The following GPD2 variants were observed in gnomAD, a reference collection of about 807,000 sequenced individuals.
The protein encoded by GPD2 is glycerol-3-phosphate dehydrogenase, mitochondrial.
Under a neutral mutation model 82.4 loss-of-function variants are expected in GPD2, and 54 were observed. That is an observed-to-expected ratio of 0.66 (90% CI 0.53 to 0.82). The LOEUF (loss-of-function observed/expected upper bound fraction) is 0.82, where lower values mean the gene tolerates loss of function less well. Ranked by LOEUF, GPD2 falls within the 40% of genes least tolerant of loss-of-function variation. The pLI, the probability that GPD2 is intolerant of heterozygous loss-of-function variation, is 0.00. For missense variants in GPD2, 748 were observed against 896.2 expected, an observed-to-expected ratio of 0.83 and a Z score of 2.11; for synonymous variants, 288 against 306.1, an observed-to-expected ratio of 0.94 and a Z score of 0.62.
At chr2:156,547,443 T>C (rs1423030075) in intron 6 of GPD2, among the ~76,000 whole-genome samples, 1 of 152,176 alleles carries the variant, frequency 6.6e-6, no homozygotes, top group African/African-American at 2.4e-5. Flanking sequence ...ATGACATGAA[T>C]GTTCAGGGAG....
chr2:156,567,609 A>G (rs1253287360), intron 9 of GPD2, among the ~76,000 whole-genome samples: 1 of 152,164 alleles, frequency 6.6e-6, no homozygotes, highest in Non-Finnish European at 1.5e-5. Context: ...TAAATGCAGC[A>G]GGACCAGGTA....
intron 4 of GPD2, among the ~76,000 whole-genome samples, chr2:156,511,871 C>G (rs62176588): frequency 6.6e-6 from 1 of 152,156 alleles, no homozygotes; most frequent in African/African-American, 2.4e-5. Context: ...TTTGAACAAT[C>G]TGTTATCTCC....
intron 1 of GPD2, among the ~76,000 whole-genome samples, chr2:156,458,450 C>T (rs1378122009): frequency 1.3e-5 from 2 of 152,088 alleles, no homozygotes; most frequent in Admixed American, 6.6e-5. Context: ...AAATGTAGGG[C>T]GAGTTTAGGT....
chr2:156,457,782 T>G (rs1277874749), intron 1 of GPD2, among the ~76,000 whole-genome samples: 1 of 152,236 alleles, frequency 6.6e-6, no homozygotes, highest in East Asian at 1.9e-4. Context: ...CGTGCAAATG[T>G]GGACAATGTG....
At chr2:156,431,202 T>C (rs536674104), upstream of GPD2, among the ~76,000 whole-genome samples, 28 of 152,188 alleles carry the variant, frequency 1.8e-4, no homozygotes, top group Non-Finnish European at 3.5e-4. Flanking sequence ...ACAGTAAACA[T>C]AGTTTCATTC....
intron 1 of GPD2, among the ~76,000 whole-genome samples, chr2:156,453,054 A>G (rs1682670677): frequency 6.6e-6 from 1 of 152,162 alleles, no homozygotes; most frequent in East Asian, 1.9e-4. Context: ...GGGGAAATGT[A>G]ATAGGATTGT....
chr2:156,489,958 C>T (rs1684115427), intron 2 of GPD2, among the ~76,000 whole-genome samples: 2 of 151,146 alleles, frequency 1.3e-5, no homozygotes, highest in Non-Finnish European at 2.9e-5. Flanking sequence ...TACCCCCTCT[C>T]CCTGACGCAG....
chr2:156,549,649 A>G lies in GPD2; in HGVS notation c.703A>G (p.Thr235Ala), dbSNP rs1282423674. The G allele has an allele frequency of 6.2e-7, 1 of 1,614,026 alleles. No individual in the cohort carries two copies. Among genetic ancestry groups the G allele is most frequent in the Non-Finnish European group, 8.5e-7 (1 of 1,179,894 alleles). Residue 235 changes from threonine (T) to alanine (A), a missense_variant, in exon 7 of 17, where the codon ACT (threonine) becomes GCT (alanine). This residue lies in a region of GPD2 where 692 missense variants were observed against 809.7 expected (regional missense o/e 0.85). Coordinates refer to ENST00000438166, the MANE Select transcript of GPD2 (RefSeq NM_000408.5). ...DARMNLAIAL[T>A]AARYGAATAN... Reference sequence around the variant, plus strand: ...ACGGATGAACCTTGCCATTGCTCTGACTGCTGCCAGGTATGGGGCTGCCAC... The same window carrying G: ...ACGGATGAACCTTGCCATTGCTCTGGCTGCTGCCAGGTATGGGGCTGCCAC...
chr2:156,527,058 G>A (rs565329198), intron 6 of GPD2, among the ~76,000 whole-genome samples: 2 of 152,216 alleles, frequency 1.3e-5, no homozygotes, highest in South Asian at 4.1e-4. Flanking sequence ...GGAAAAGGAA[G>A]AAAGAGAGTA....
In GPD2 at chr2:156,513,508, T is replaced by G. The variant is rs1224480424; in HGVS notation, c.661+12T>G. Reference sequence around the variant, plus strand: ...TGTCTACTATGACGGTATGTGATGTTTTTTTTTTTTTTCCTCACAAGATAC... The same window carrying G: ...TGTCTACTATGACGGTATGTGATGTGTTTTTTTTTTTTCCTCACAAGATAC... On this transcript the variant is annotated intron_variant, in intron 6 of 16. Coordinates refer to ENST00000438166, the MANE Select transcript of GPD2 (RefSeq NM_000408.5). 2 of 1,415,858 alleles carry G rather than the reference T, an allele frequency of 1.4e-6. No homozygotes were observed. Among genetic ancestry groups the G allele is most frequent in the East Asian group, 2.5e-5 (1 of 40,172 alleles). 87.7% of individuals were successfully genotyped at this position (1,415,858 alleles called of 1,614,324 possible).
At chr2:156,410,396 CAG>C in the GPD2 span, among the ~76,000 whole-genome samples, 43 of 152,326 alleles carry the variant, frequency 2.8e-4, no homozygotes, top group African/African-American at 9.1e-4. Flanking sequence ...CACAAAACCT[CAG>C]AGAGGCAATA....
intron 6 of GPD2, among the ~76,000 whole-genome samples, chr2:156,539,897 T>C (rs974960486): frequency 4.6e-5 from 7 of 151,940 alleles, no homozygotes; most frequent in African/African-American, 1.7e-4. Context: ...TTATTTGAAA[T>C]TTTGTAAATT....
chr2:156,407,214 T>C, the GPD2 span, among the ~76,000 whole-genome samples: 1 of 152,194 alleles, frequency 6.6e-6, no homozygotes, highest in Non-Finnish European at 1.5e-5. Context: ...TTTCCTTTCC[T>C]AGAGGAAACC....
At chr2:156,489,246 A>G (rs751483309) in intron 2 of GPD2, among the ~76,000 whole-genome samples, 1 of 152,230 alleles carries the variant, frequency 6.6e-6, no homozygotes, top group African/African-American at 2.4e-5. Context: ...TTTATCTCAG[A>G]TAGAAATTCT....
Position 156,487,553 on chromosome 2 carries a change from A to G in GPD2, c.103-8491A>G, listed in dbSNP as rs919665139. ...GAGATTTGGAGTCAAACCTGGGATC[A>G]AATTTTGATTCTTCGAATTACTTGC... On this transcript the variant is annotated intron_variant, in intron 2 of 16. Coordinates refer to ENST00000438166, the MANE Select transcript of GPD2 (RefSeq NM_000408.5). Among the ~76,000 whole-genome samples the G allele has an allele frequency of 2.3e-4, 35 of 152,214 alleles. 1 individual carries two copies. The highest frequency in any genetic ancestry group is 8.2e-4 in the African/African-American group (34 of 41,456).
chr2:156,447,212 C>T (rs1044934779), intron 1 of GPD2, among the ~76,000 whole-genome samples: 9 of 152,090 alleles, frequency 5.9e-5, no homozygotes, highest in African/African-American at 1.9e-4. Context: ...GCTACATGCT[C>T]TCTTTCTCCT....
upstream of GPD2, among the ~76,000 whole-genome samples, chr2:156,433,076 G>A (rs747941148): frequency 3.9e-5 from 6 of 152,202 alleles, no homozygotes; most frequent in East Asian, 1.9e-4. Context: ...CCTAGACAGT[G>A]AAAGAGATCT....
intron 9 of GPD2, among the ~76,000 whole-genome samples, chr2:156,567,240 G>A (rs547522256): frequency 6.6e-6 from 1 of 151,912 alleles, no homozygotes; most frequent in African/African-American, 2.4e-5. Context: ...TTTGTTGCCT[G>A]TGCTTTTGAT....
In GPD2 at chr2:156,508,319, T is replaced by G. The variant is rs114434597; in HGVS notation, c.275-2477T>G. Among the ~76,000 whole-genome samples, 715 of 151,662 alleles carry G rather than the reference T, an allele frequency of 4.7e-3. 6 individuals are homozygous for G. Among genetic ancestry groups the G allele is most frequent in the African/African-American group, 0.016 (680 of 41,316 alleles). On this transcript the variant is annotated intron_variant, in intron 3 of 16. Coordinates refer to ENST00000438166, the MANE Select transcript of GPD2 (RefSeq NM_000408.5). Reference sequence around the variant, plus strand: ...CCAGAGCAAGCAAGCAGGAGGGCAATAGAGAATACTGGAAAGAGAGAGAGC... The same window carrying G: ...CCAGAGCAAGCAAGCAGGAGGGCAAGAGAGAATACTGGAAAGAGAGAGAGC...
Sources: allele counts gnomAD v4.1 joint callset (sites outside exome capture counted in the v4.1 genomes callset), GRCh38; gene constraint gnomAD v4.1.1; regional missense constraint gnomAD v4.1.1; transcripts MANE v1.5; gene names NCBI Gene and HGNC (gene_info 2026-07-23, HGNC 2026-07-21).